The following AP1S1 variants were observed in gnomAD, a reference collection of about 807,000 sequenced individuals.
AP1S1 encodes the protein adaptor related protein complex 1 subunit sigma 1.
A neutral mutation model predicts 23.9 loss-of-function variants in AP1S1; 13 were observed. That is an observed-to-expected ratio of 0.54 (90% CI 0.35 to 0.86). The LOEUF (loss-of-function observed/expected upper bound fraction) is 0.86. Ranked by LOEUF, AP1S1 falls within the 40% of genes least tolerant of loss-of-function variation. The pLI is 0.01. For missense variants in AP1S1, 119 were observed against 197.6 expected, an observed-to-expected ratio of 0.60 and a Z score of 2.38; for synonymous variants, 84 against 77.7, an observed-to-expected ratio of 1.08 and a Z score of -0.43.
chr7:101,157,580 T>G, intron 3 of AP1S1, 95 bp downstream of exon 3: 1 of 962,510 alleles, frequency 1.0e-6, no homozygotes, highest in Non-Finnish European at 1.6e-6. Flanking sequence ...CCTGGAAGTT[T>G]CAGGGGAGAG....
chr7:101,159,308 C>T lies in AP1S1; in HGVS notation c.429+112C>T. 4 of 1,459,940 alleles carry T rather than the reference C, an allele frequency of 2.7e-6. 1 individual carries two copies. The South Asian group carries it at 5.1e-5, about 19-fold the overall frequency. 90.4% of individuals were successfully genotyped at this position (1,459,940 alleles called of 1,614,324 possible). A position where few individuals can be genotyped will look rare whatever the true frequency, so the allele number is the denominator to read the frequency against. On this transcript the variant is annotated intron_variant, in intron 4 of 4. Transcript: ENST00000337619. Reference sequence around the variant, plus strand: ...CCACCGTCGCCAAGGAGCCCCCCCTCCCTGTGGTATCTGACCCCCACCACG... The same window carrying T: ...CCACCGTCGCCAAGGAGCCCCCCCTTCCTGTGGTATCTGACCCCCACCACG...
intron 1 of AP1S1, chr7:101,154,967 G>A: frequency 9.8e-7 from 1 of 1,020,002 alleles, no homozygotes; most frequent in Non-Finnish European, 1.2e-6. Context: ...GGGAGTTTCC[G>A]GGTCGGAAAA....
chr7:101,154,887 G>A (rs1796966786), intron 1 of AP1S1: 2 of 995,592 alleles, frequency 2.0e-6, no homozygotes, highest in Non-Finnish European at 2.5e-6. Flanking sequence ...GGGGTCACCA[G>A]TCACCGAGAC....
Position 101,156,674 on chromosome 7 carries a change from G to T in AP1S1, c.84G>T (p.Arg28=), listed in dbSNP as rs1243615580. 2 of 1,611,698 alleles carry T rather than the reference G, an allele frequency of 1.2e-6. No homozygotes were observed. The highest frequency in any genetic ancestry group is 1.7e-6 in the Non-Finnish European group (2 of 1,179,088). ...ACCTGGCCACTTCGGACAAGGAACG[G>T]AAGAAGATGGTGCGCGAGCTCATGC... is the stretch of plus-strand genomic sequence containing the variant. The part of the protein sequence containing the change: ...KWYLATSDKE[R]KKMVRELMQV... Residue 28 remains arginine (R), a synonymous_variant, in exon 2 of 5, where the codon CGG becomes CGT. Transcript: ENST00000337619.
rs1254776638 is a variant in AP1S1, at chr7:101,160,534, C to T, written c.445C>T (p.Arg149Trp). 9 of 1,612,030 alleles carry T rather than the reference C, an allele frequency of 5.6e-6. No homozygotes were observed. Among genetic ancestry groups the T allele is most frequent in the South Asian group, 1.1e-5 (1 of 91,086 alleles). ...TCTGCCTTAGGAGGATGAGTCGCCA[C>T]GGAGTGTGCTGGAGGAGATGGGTTT... ...DLLQEEDESP[R>W]SVLEEMGLA The change falls in exon 5 of 5, where the codon CGG becomes TGG. Residue 149 changes from arginine (R) to tryptophan (W), a missense_variant. Coordinates refer to ENST00000337619, the MANE Select transcript of AP1S1 (RefSeq NM_001283.5).
chr7:101,160,657 ACTCGGCTG>A lies in AP1S1; in HGVS notation c.*93_*100del. On this transcript the variant is annotated 3_prime_UTR_variant, in exon 5 of 5. Transcript: ENST00000337619. Reference sequence around the variant, plus strand: ...TGCCCAGGGCCCTGTTCTTGGTGGGACTCGGCTGCCCCTCCTCTGCTGCCTCACCTTTC... The same window carrying A: ...TGCCCAGGGCCCTGTTCTTGGTGGGACCCCTCCTCTGCTGCCTCACCTTTC... The A allele has an allele frequency of 1.4e-6, 2 of 1,477,232 alleles. No individual in the cohort carries two copies. The highest frequency in any genetic ancestry group is 1.9e-6 in the Non-Finnish European group (2 of 1,073,080). The allele number at this position is 1,477,232 out of a possible 1,614,324, so 91.5% of individuals were successfully genotyped here. A position where few individuals can be genotyped will look rare whatever the true frequency, so the allele number is the denominator to read the frequency against.
In AP1S1 at chr7:101,160,578, C is replaced by T. The variant is rs765264391; in HGVS notation, c.*12C>T. On this transcript the variant is annotated 3_prime_UTR_variant, in exon 5 of 5. Coordinates refer to ENST00000337619, the MANE Select transcript of AP1S1 (RefSeq NM_001283.5). Reference sequence around the variant, plus strand: ...TGGGTTTGGCATAGCCCCTGCTGGGCCGGGGTGTGGCGATGGGGTCCTGGC... The same window carrying T: ...TGGGTTTGGCATAGCCCCTGCTGGGTCGGGGTGTGGCGATGGGGTCCTGGC... The T allele has an allele frequency of 1.9e-6, 3 of 1,610,704 alleles. No homozygotes were observed. Among genetic ancestry groups the T allele is most frequent in the Middle Eastern group, 1.6e-4 (1 of 6,062 alleles).
At chr7:101,159,786 A>G (rs1797058084) in intron 4 of AP1S1, among the ~76,000 whole-genome samples, 1 of 150,684 alleles carries the variant, frequency 6.6e-6, no homozygotes, top group Admixed American at 6.6e-5. Context: ...CTGTGCCATC[A>G]CCGAGCCCTG....
At chr7:101,159,035 C>A (rs6954408) in intron 3 of AP1S1, 24 bp from the exon 4 acceptor site, 1 of 1,610,872 alleles carries the variant, frequency 6.2e-7, no homozygotes, top group Non-Finnish European at 8.5e-7. Flanking sequence ...CCATGCTCAA[C>A]TTAGCCTCTC....
At chr7:101,154,993 C>G (rs6970645) in intron 1 of AP1S1, 734,202 of 997,938 alleles carry the variant, frequency 0.74, 272,091 homozygotes, top group Non-Finnish European at 0.75. Context: ...CGCCCTACTG[C>G]GTTCGTGGCC....
Position 101,159,100 on chromosome 7 carries a change from C to T in AP1S1, c.333C>T (p.Tyr111=). 1 of 1,613,852 alleles carries T rather than the reference C, an allele frequency of 6.2e-7. No individual in the cohort carries two copies. Among genetic ancestry groups the T allele is most frequent in the Non-Finnish European group, 8.5e-7 (1 of 1,179,836 alleles). ...LDIIFNFEKA[Y]FILDEFLMGG... ...TCATCTTCAACTTTGAGAAGGCCTA[C>T]TTCATCCTGGATGAGTTTTTGATGG... is the stretch of plus-strand genomic sequence containing the variant. Residue 111 remains tyrosine (Y), a synonymous_variant, in exon 4 of 5, where the codon TAC becomes TAT. Coordinates refer to ENST00000337619, the MANE Select transcript of AP1S1 (RefSeq NM_001283.5).
intron 4 of AP1S1, 143 bp from the exon 5 acceptor site, chr7:101,160,376 G>A (rs1394992109): frequency 1.0e-5 from 10 of 998,668 alleles, no homozygotes; most frequent in Middle Eastern, 2.0e-4. Context: ...TCACTGGTCC[G>A]GCCTTGGGCT....
intron 3 of AP1S1, among the ~76,000 whole-genome samples, chr7:101,158,789 G>A (rs1797036459): frequency 6.6e-6 from 1 of 152,154 alleles, no homozygotes; most frequent in Admixed American, 6.5e-5. Flanking sequence ...TGTAGTCCCA[G>A]CTACTCAGGA....
chr7:101,154,541 G>A, intron 1 of AP1S1, 24 bp downstream of exon 1: 1 of 1,564,498 alleles, frequency 6.4e-7, no homozygotes, highest in East Asian at 2.4e-5. Context: ...AGAGGGAGGG[G>A]AGGGGGAAGC....
rs763466485 is a variant in AP1S1 at position 101,159,131 on chromosome 7, G to T, written c.364G>T (p.Asp122Tyr). Residue 122 changes from aspartate to tyrosine, a missense_variant, in exon 4 of 5, where the codon GAT becomes TAT. Transcript: ENST00000337619. Reference sequence around the variant, plus strand: ...CCTGGATGAGTTTTTGATGGGGGGGGATGTCCAGGACACCTCCAAGAAGAG... The same window carrying T: ...CCTGGATGAGTTTTTGATGGGGGGGTATGTCCAGGACACCTCCAAGAAGAG... ...FILDEFLMGG[D>Y]VQDTSKKSVL... 1.2e-6 allele frequency: 2 copies of T among 1,613,798 alleles called. No homozygotes were observed. Among genetic ancestry groups the T allele is most frequent in the Non-Finnish European group, 1.7e-6 (2 of 1,179,796 alleles).
At chr7:101,158,301 C>A (rs1363255557) in intron 3 of AP1S1, among the ~76,000 whole-genome samples, 2 of 152,212 alleles carry the variant, frequency 1.3e-5, no homozygotes, top group African/African-American at 4.8e-5. Context: ...CTCCTTATCC[C>A]ATCCTAGCAG....
rs752907097 is a variant in AP1S1, at chr7:101,154,502, C to A, written c.-13C>A. On this transcript the variant is annotated 5_prime_UTR_variant, in exon 1 of 5. Transcript: ENST00000337619. ...GTGGCCGAAGTGGGACGCGCCGAGC[C>A]GGAGGCTGCAGGATGGTAGGCTGTG... 4.5e-6 allele frequency: 7 copies of A among 1,568,342 alleles called. No individual in the cohort carries two copies. In the Admixed American group the frequency reaches 5.6e-5, roughly 13 times the overall value.
At chr7:101,160,338 G>A (rs1008141425) in intron 4 of AP1S1, among the ~76,000 whole-genome samples, 181 bp from the exon 5 acceptor site, 2 of 152,106 alleles carry the variant, frequency 1.3e-5, no homozygotes, top group Non-Finnish European at 2.9e-5. Flanking sequence ...GCTGGCCCTG[G>A]GAGGCTGGTG....
intron 2 of AP1S1, 139 bp downstream of exon 2, chr7:101,156,911 CTTTT>C (rs34043825): frequency 5.8e-3 from 2,390 of 413,868 alleles, no homozygotes; most frequent in East Asian, 6.8e-3. Flanking sequence ...TGTCAGCTTC[CTTTT>C]TTTTTTTTTT....
Sources: allele counts gnomAD v4.1 joint callset (sites outside exome capture counted in the v4.1 genomes callset), GRCh38; gene constraint gnomAD v4.1.1; transcripts MANE v1.5; gene names NCBI Gene and HGNC (gene_info 2026-07-23, HGNC 2026-07-21).